Variants in UMAD1 observed in about 807,000 individuals in gnomAD.
The protein encoded by UMAD1 is UBAP1-MVB12-associated (UMA)-domain containing protein 1.
A neutral mutation model predicts 6.1 loss-of-function variants in UMAD1; 8 were observed. That is an observed-to-expected ratio of 1.30 (90% CI 0.76 to 2.35). The LOEUF is 2.35. Ranked by LOEUF, UMAD1 falls within the 30% of genes most tolerant of loss-of-function variation. The probability of loss-of-function intolerance (pLI) is 0.00; values close to 1 mark genes in which losing one functional copy is unlikely to be tolerated. For synonymous variants in UMAD1, 56 were observed against 31.4 expected, an observed-to-expected ratio of 1.78 and a Z score of -2.61; for missense variants, 130 against 78.4, an observed-to-expected ratio of 1.66 and a Z score of -2.49.
chr7:7,700,103 G>T (rs982110496), intron 2 of UMAD1, among the ~76,000 whole-genome samples: 9 of 152,132 alleles, frequency 5.9e-5, no homozygotes, highest in African/African-American at 2.2e-4. Flanking sequence ...TCATAGATTG[G>T]TGGCTTGTAA....
chr7:7,839,372 G>C lies in UMAD1; in HGVS notation c.156+37629G>C, dbSNP rs905544519. Among the ~76,000 whole-genome samples the C allele has an allele frequency of 3.9e-5, 6 of 152,100 alleles. No individual in the cohort carries two copies. In the East Asian group the frequency reaches 9.7e-4, roughly 25 times the overall value. On this transcript the variant is annotated intron_variant, in intron 3 of 3. Transcript: ENST00000682710. ...ACCACAGACACATGCCATCATGCCA[G>C]GCTAATTTAAAAAAAAATTATTTGT... is the stretch of plus-strand genomic sequence containing the variant.
intron 3 of UMAD1, among the ~76,000 whole-genome samples, chr7:7,859,655 T>A (rs945848899): frequency 6.6e-6 from 1 of 152,190 alleles, no homozygotes; most frequent in Non-Finnish European, 1.5e-5. Flanking sequence ...ACGGTTTAGG[T>A]AGAGGCAGGG....
chr7:7,665,229 G>C (rs773990176), intron 1 of UMAD1, among the ~76,000 whole-genome samples: 6 of 152,122 alleles, frequency 3.9e-5, no homozygotes, highest in African/African-American at 7.2e-5. Context: ...GGAGTAATAG[G>C]AAAAAAGAAA....
chr7:7,671,912 G>A (rs991773524), intron 1 of UMAD1, among the ~76,000 whole-genome samples: 1 of 152,072 alleles, frequency 6.6e-6, no homozygotes, highest in Non-Finnish European at 1.5e-5. Context: ...CATGACTTGT[G>A]TTTTTCTTCT....
chr7:7,784,756 C>CTTTTT (rs71014716), intron 2 of UMAD1, among the ~76,000 whole-genome samples: 22 of 78,540 alleles, frequency 2.8e-4, no homozygotes, highest in African/African-American at 9.8e-4. Flanking sequence ...GCCCTTCCTT[C>CTTTTT]TTTTTTTTTT....
chr7:7,711,359 G>A (rs11773126), intron 2 of UMAD1, among the ~76,000 whole-genome samples: 49,267 of 151,986 alleles, frequency 0.32, 8,306 homozygotes, highest in Middle Eastern at 0.44. Context: ...TTTTATTTCC[G>A]GGAGGAATTA....
At position 7,719,047 on chromosome 7, in the gene UMAD1, G is replaced by A. The variant is rs546407576; in HGVS notation, c.82+45594G>A. Among the ~76,000 whole-genome samples, 13 of 151,774 alleles carry A rather than the reference G, an allele frequency of 8.6e-5. 1 individual carries two copies. The highest frequency in any genetic ancestry group is 3.2e-4 in the African/African-American group (13 of 41,174). On this transcript the variant is annotated intron_variant, in intron 2 of 3. Coordinates refer to ENST00000682710, the MANE Select transcript of UMAD1 (RefSeq NM_001302348.2). The stretch of plus-strand genomic sequence containing the variant: ...AAAACATATGAGTATTTTTGGAGAT[G>A]ACATAACTTTCCTTTTATTGTGTTA...
chr7:7,741,629 A>C (rs1246092339), intron 2 of UMAD1, among the ~76,000 whole-genome samples: 1 of 147,498 alleles, frequency 6.8e-6, no homozygotes, highest in East Asian at 1.9e-4. Flanking sequence ...ATAATAAAAA[A>C]ACACTGTAAT....
At chr7:7,859,798 G>A (rs1301211325) in intron 3 of UMAD1, among the ~76,000 whole-genome samples, 2 of 152,184 alleles carry the variant, frequency 1.3e-5, no homozygotes, top group African/African-American at 4.8e-5. Context: ...GGAAAAAGAT[G>A]ACCTTAAGAA....
At chr7:7,690,455 G>GT (rs1303975889) in intron 2 of UMAD1, among the ~76,000 whole-genome samples, 3 of 152,018 alleles carry the variant, frequency 2.0e-5, no homozygotes, top group African/African-American at 7.2e-5. Flanking sequence ...TGAAAGAAGA[G>GT]TTTTAAAGGT....
At chr7:7,729,677 A>G (rs1252368677) in intron 2 of UMAD1, among the ~76,000 whole-genome samples, 1 of 152,160 alleles carries the variant, frequency 6.6e-6, no homozygotes, top group African/African-American at 2.4e-5. Context: ...GGACAACTCT[A>G]AAATTCAGGA....
intron 3 of UMAD1, among the ~76,000 whole-genome samples, chr7:7,865,756 G>A (rs1784214234): frequency 6.6e-6 from 1 of 152,214 alleles, no homozygotes; most frequent in South Asian, 2.1e-4. Flanking sequence ...TGTAGCTGGA[G>A]AGAAACACTG....
chr7:7,704,583 GTC>G (rs1780547973), intron 2 of UMAD1, among the ~76,000 whole-genome samples: 1 of 138,056 alleles, frequency 7.2e-6, no homozygotes, highest in Non-Finnish European at 1.5e-5. Context: ...GTGAAACCCT[GTC>G]TCTACTAAAA....
At chr7:7,660,276 A>T (rs1785441410) in intron 1 of UMAD1, among the ~76,000 whole-genome samples, 1 of 152,172 alleles carries the variant, frequency 6.6e-6, no homozygotes, top group Admixed American at 6.5e-5. Flanking sequence ...TGTGTCTTTT[A>T]ATTGGGGGCA....
intron 2 of UMAD1, among the ~76,000 whole-genome samples, chr7:7,682,965 A>G (rs372390858): frequency 5.4e-4 from 82 of 152,346 alleles, no homozygotes; most frequent in African/African-American, 1.9e-3. Flanking sequence ...CTGTTAATCT[A>G]GCAGCGTTTC....
At chr7:7,686,980 G>C (rs541095371) in intron 2 of UMAD1, among the ~76,000 whole-genome samples, 2 of 152,200 alleles carry the variant, frequency 1.3e-5, no homozygotes, top group Admixed American at 1.3e-4. Flanking sequence ...ACTAGGGTAC[G>C]TTGTAAGGAT....
chr7:7,818,308 T>C (rs1448686761), intron 3 of UMAD1, among the ~76,000 whole-genome samples: 1 of 152,200 alleles, frequency 6.6e-6, no homozygotes, highest in Non-Finnish European at 1.5e-5. Context: ...GCAAAGGATA[T>C]GGTCTTGTTC....
intron 2 of UMAD1, among the ~76,000 whole-genome samples, chr7:7,679,883 A>C (rs1420562548): frequency 6.6e-6 from 1 of 151,206 alleles, no homozygotes; most frequent in African/African-American, 2.4e-5. Context: ...TTAAAATTGG[A>C]TTATTTTATT....
chr7:7,823,977 C>T (rs1439491550), intron 3 of UMAD1, among the ~76,000 whole-genome samples: 1 of 152,044 alleles, frequency 6.6e-6, no homozygotes, highest in Non-Finnish European at 1.5e-5. Context: ...TCATAGAGAA[C>T]GTGCATTTCC....
Sources: allele counts gnomAD v4.1 joint callset (sites outside exome capture counted in the v4.1 genomes callset), GRCh38; gene constraint gnomAD v4.1.1; transcripts MANE v1.5; gene names NCBI Gene and HGNC (gene_info 2026-07-23, HGNC 2026-07-21).